Variants in FAM120B observed in about 807,000 individuals in gnomAD.
FAM120B encodes the protein constitutive coactivator of peroxisome proliferator-activated receptor gamma.
FAM120B carries 83 observed loss-of-function variants against 96.3 expected under a neutral mutation model. That is an observed-to-expected ratio of 0.86 (90% CI 0.72 to 1.03). FAM120B has a LOEUF of 1.03. FAM120B is among the 50% of genes least tolerant of loss of function. The probability of loss-of-function intolerance (pLI) is 0.00; values close to 1 mark genes in which losing one functional copy is unlikely to be tolerated. For missense variants in FAM120B, 1,027 were observed against 1,121.2 expected, an observed-to-expected ratio of 0.92 and a Z score of 1.20; for synonymous variants, 407 against 402.7, an observed-to-expected ratio of 1.01 and a Z score of -0.13.
At chr6:170,304,182 A>G (rs1406385153), upstream of FAM120B, among the ~76,000 whole-genome samples, 1 of 152,206 alleles carries the variant, frequency 6.6e-6, no homozygotes, top group Non-Finnish European at 1.5e-5. Context: ...CTACCCACAA[A>G]CAGCTAATAT....
intron 6 of FAM120B, among the ~76,000 whole-genome samples, chr6:170,372,777 G>T (rs111485683): frequency 3.3e-5 from 5 of 152,190 alleles, no homozygotes; most frequent in African/African-American, 4.8e-5. Context: ...GCTCGCTTAC[G>T]TTCTGTAAGA....
Position 170,358,258 on chromosome 6 carries a change from G to A in FAM120B, c.2223G>A (p.Ala741=), listed in dbSNP as rs762776102. 1.9e-5 allele frequency: 31 copies of A among 1,606,600 alleles called. No individual in the cohort carries two copies. The highest frequency in any genetic ancestry group is 1.7e-4 in the Admixed American group (10 of 59,606). The part of the protein sequence containing the change: ...VDTLCLEDLH[A]FIAQALCLQG... ...CGCTTTGCCTGGAGGATTTGCATGC[G>A]TTTATTGCGCAGGCCTTGTGCCTCC... The change falls in exon 6 of 11, where the codon GCG becomes GCA. Residue 741 remains alanine, a synonymous_variant. Transcript: ENST00000476287.
chr6:170,318,224 T>C lies in FAM120B; in HGVS notation c.834T>C (p.Tyr278=). ...SDHISKVLYL[Y]QGEKKLEEIL... is the part of the protein sequence containing the mutation. Reference sequence around the variant, plus strand: ...ATATATCGAAAGTTCTTTACTTGTATCAAGGTGAGAAAAAATTAGAAGAGA... The same window carrying C: ...ATATATCGAAAGTTCTTTACTTGTACCAAGGTGAGAAAAAATTAGAAGAGA... The change falls in exon 2 of 11, where the codon TAT becomes TAC. Residue 278 remains tyrosine (Y), a synonymous_variant. Transcript: ENST00000476287. 6.2e-7 allele frequency: 1 copy of C among 1,613,732 alleles called. No individual in the cohort carries two copies. The highest frequency in any genetic ancestry group is 8.5e-7 in the Non-Finnish European group (1 of 1,179,942).
At chr6:170,333,517 C>CTTT in intron 4 of FAM120B, among the ~76,000 whole-genome samples, 1 of 138,208 alleles carries the variant, frequency 7.2e-6, no homozygotes, top group African/African-American at 2.6e-5. Flanking sequence ...TGAGCCTCAT[C>CTTT]TTTTTTTTTT....
At chr6:170,400,492 T>C (rs1430279275) in intron 9 of FAM120B, among the ~76,000 whole-genome samples, 2 of 152,250 alleles carry the variant, frequency 1.3e-5, no homozygotes, top group Admixed American at 1.3e-4. Context: ...ACAGGCTGAC[T>C]TTGTCTCAAG....
Position 170,361,212 on chromosome 6 carries a change from A to ACGTGTG in FAM120B, c.2283+2894_2283+2895insCGTGTG, listed in dbSNP as rs1456252049. ...TATATATACGTGTATATATATATATATATATATATATATATATATATATAC... is the reference window on the plus strand; with the variant it reads ...TATATATACGTGTATATATATATATACGTGTGTATATATATATATATATATATATAC... On this transcript the variant is annotated intron_variant, in intron 6 of 10. Coordinates refer to ENST00000476287, the MANE Select transcript of FAM120B (RefSeq NM_032448.3). Among the ~76,000 whole-genome samples, 18 of 101,592 alleles carry ACGTGTG rather than the reference A, an allele frequency of 1.8e-4. 1 individual carries two copies. The East Asian group carries it at 3.5e-3, about 19-fold the overall frequency. The allele number at this position is 101,592 out of a possible 152,430, so 66.6% of individuals were successfully genotyped here. A position where few individuals can be genotyped will look rare whatever the true frequency, so the allele number is the denominator to read the frequency against.
rs142473786 is a variant in FAM120B, at chr6:170,344,560, C to T, written c.2018-3591C>T. On this transcript the variant is annotated intron_variant, in intron 4 of 10. Transcript: ENST00000476287. Reference sequence around the variant, plus strand: ...GTCCATTCACCTGCACCGTTGCCTGCGGTGCTAGCCTCTCTCTGGTTCCTG... The same window carrying T: ...GTCCATTCACCTGCACCGTTGCCTGTGGTGCTAGCCTCTCTCTGGTTCCTG... Among the ~76,000 whole-genome samples, 726 of 152,068 alleles carry T rather than the reference C, an allele frequency of 4.8e-3. 9 individuals are homozygous for T. Among genetic ancestry groups the T allele is most frequent in the African/African-American group, 0.017 (694 of 41,428 alleles).
chr6:170,400,633 A>G (rs1458447830), intron 9 of FAM120B, among the ~76,000 whole-genome samples: 3 of 152,208 alleles, frequency 2.0e-5, no homozygotes, highest in Admixed American at 1.3e-4. Context: ...GCATCCAGGC[A>G]GAGGGGATCG....
intron 6 of FAM120B, among the ~76,000 whole-genome samples, chr6:170,378,048 C>T (rs1562584136): frequency 6.6e-6 from 1 of 152,184 alleles, no homozygotes; most frequent in African/African-American, 2.4e-5. Context: ...GACCTTTTTA[C>T]CAGCTTAATG....
At chr6:170,383,778 C>A (rs1223503272) in intron 6 of FAM120B, among the ~76,000 whole-genome samples, 2 of 134,992 alleles carry the variant, frequency 1.5e-5, no homozygotes, top group Non-Finnish European at 3.1e-5. Flanking sequence ...CTAGCAATCA[C>A]ATGCCTGGGC....
At chr6:170,385,030 C>CT (rs1790112833) in intron 6 of FAM120B, among the ~76,000 whole-genome samples, 1 of 152,186 alleles carries the variant, frequency 6.6e-6, no homozygotes, top group African/African-American at 2.4e-5. Flanking sequence ...CACCCAAAAG[C>CT]TATAGAGTAA....
intron 4 of FAM120B, 122 bp downstream of exon 4, chr6:170,330,672 A>C (rs762391899): frequency 1.4e-6 from 1 of 719,314 alleles, no homozygotes; most frequent in Non-Finnish European, 2.3e-6. Context: ...TTTTTATTTA[A>C]ACCCTTGGCT....
intron 9 of FAM120B, among the ~76,000 whole-genome samples, chr6:170,396,407 C>T (rs1209637852): frequency 1.3e-5 from 2 of 152,088 alleles, no homozygotes; most frequent in South Asian, 4.2e-4. Flanking sequence ...GCAAACATTG[C>T]GAGTCCACTG....
chr6:170,311,623 A>T (rs1210167114), intron 1 of FAM120B, among the ~76,000 whole-genome samples: 4 of 152,206 alleles, frequency 2.6e-5, no homozygotes, highest in African/African-American at 4.8e-5. Context: ...TTCCCTGCTG[A>T]AAATTCCCCA....
At position 170,317,428 on chromosome 6, in the gene FAM120B, C is replaced by G; in HGVS notation, c.38C>G (p.Thr13Ser). The G allele has an allele frequency of 6.2e-7, 1 of 1,612,888 alleles. No individual in the cohort carries two copies. Among genetic ancestry groups the G allele is most frequent in the Non-Finnish European group, 8.5e-7 (1 of 1,178,956 alleles). The change falls in exon 2 of 11, where the codon ACC becomes AGC. Residue 13 changes from threonine to serine, a missense_variant. This residue lies in a region of FAM120B where 880 missense variants were observed against 980.9 expected (regional missense o/e 0.90). Transcript: ENST00000476287. The stretch of plus-strand genomic sequence containing the variant: ...GGTTTGCAAGGATTTGTGGGAAGTA[C>G]CTGCCCACATATATGTACAGTAGTA... ...VRGLQGFVGS[T>S]CPHICTVVNF...
At chr6:170,376,159 T>C (rs1261809132) in intron 6 of FAM120B, among the ~76,000 whole-genome samples, 1 of 152,114 alleles carries the variant, frequency 6.6e-6, no homozygotes, top group Non-Finnish European at 1.5e-5. Flanking sequence ...GAGGAGGCCC[T>C]AGTGTGGTTA....
intron 9 of FAM120B, among the ~76,000 whole-genome samples, chr6:170,402,685 G>A (rs1210967907): frequency 3.3e-5 from 5 of 152,332 alleles, no homozygotes; most frequent in East Asian, 3.9e-4. Context: ...TGAACTCCAG[G>A]TGTAGGGTTC....
At chr6:170,369,408 C>G (rs1562575224) in intron 6 of FAM120B, among the ~76,000 whole-genome samples, 2 of 152,200 alleles carry the variant, frequency 1.3e-5, no homozygotes, top group Admixed American at 1.3e-4. Context: ...TGCCCATAGT[C>G]CTCATAATTG....
chr6:170,358,240 C>A lies in FAM120B; in HGVS notation c.2205C>A (p.Cys735Ter). Residue 735 changes from cysteine (C) to a stop codon, truncating the protein, a stop_gained, in exon 6 of 11, where the codon TGC (cysteine) becomes TGA (stop). Transcript: ENST00000476287. LOFTEE classifies it high-confidence loss of function. Reference protein sequence around the residue: ...IYLFVQVDTLCLEDLHAFIAQ... With the variant: ...IYLFVQVDTL The stretch of plus-strand genomic sequence containing the variant: ...GTCCTTTTCAGGTGGACACGCTTTG[C>A]CTGGAGGATTTGCATGCGTTTATTG... 6.2e-7 allele frequency: 1 copy of A among 1,603,818 alleles called. No homozygotes were observed. The highest frequency in any genetic ancestry group is 1.1e-5 in the South Asian group (1 of 89,730).
Sources: gnomAD v4.1 joint callset for allele counts (sites outside exome capture counted in the v4.1 genomes callset) on GRCh38, gnomAD v4.1.1 for gene constraint, gnomAD v4.1.1 regional missense constraint, MANE v1.5 for transcripts, NCBI Gene and HGNC (gene_info 2026-07-23, HGNC 2026-07-21) for gene names.